LRP1B: variants seen among roughly 807,000 people sequenced by gnomAD.
LRP1B encodes LDL receptor related protein 1B, also known as low-density lipoprotein receptor-related protein 1B.
A neutral mutation model predicts 556.6 loss-of-function variants in LRP1B; 217 were observed. The observed-to-expected ratio is 0.39, with a 90% CI of 0.35 to 0.44. The LOEUF (loss-of-function observed/expected upper bound fraction) is 0.44. LRP1B is among the 20% of genes least tolerant of loss of function. The pLI is 1.00. For missense variants in LRP1B, 5,053 were observed against 5,620.8 expected, an observed-to-expected ratio of 0.90 and a Z score of 3.23; for synonymous variants, 2,047 against 1,865.8, an observed-to-expected ratio of 1.10 and a Z score of -2.50.
intron 6 of LRP1B, among the ~76,000 whole-genome samples, chr2:141,196,662 C>T (rs960652738): frequency 2.0e-5 from 3 of 151,950 alleles, no homozygotes; most frequent in Non-Finnish European, 4.4e-5. Flanking sequence ...TTGCATAATT[C>T]TACAAAAGAA....
intron 41 of LRP1B, among the ~76,000 whole-genome samples, chr2:140,653,017 G>A (rs916728831): frequency 2.6e-5 from 4 of 151,950 alleles, no homozygotes; most frequent in Non-Finnish European, 4.4e-5. Flanking sequence ...ATACGTTTGA[G>A]GAATATCTCC....
chr2:140,386,520 TA>T (rs1683766908), intron 66 of LRP1B, among the ~76,000 whole-genome samples: 3 of 152,226 alleles, frequency 2.0e-5, no homozygotes, highest in Admixed American at 2.0e-4. Flanking sequence ...TGCCCACTCA[TA>T]AACTCATAGG....
chr2:140,952,914 C>T (rs911382441), intron 18 of LRP1B, among the ~76,000 whole-genome samples: 1 of 152,138 alleles, frequency 6.6e-6, no homozygotes, highest in African/African-American at 2.4e-5. Flanking sequence ...TGCTCAATAT[C>T]AGACCTTTAA....
intron 3 of LRP1B, among the ~76,000 whole-genome samples, chr2:141,451,405 A>G (rs1183847082): frequency 6.6e-6 from 1 of 152,232 alleles, no homozygotes; most frequent in Non-Finnish European, 1.5e-5. Context: ...ACAAAATAAT[A>G]CACTATAATA....
At chr2:141,037,167 C>T (rs939397268) in intron 11 of LRP1B, among the ~76,000 whole-genome samples, 1 of 151,954 alleles carries the variant, frequency 6.6e-6, no homozygotes, top group African/African-American at 2.4e-5. Flanking sequence ...GATGAAAAGA[C>T]ATATTCCAGG....
intron 66 of LRP1B, among the ~76,000 whole-genome samples, chr2:140,422,873 T>C (rs1182055815): frequency 6.6e-6 from 1 of 152,190 alleles, no homozygotes; most frequent in Non-Finnish European, 1.5e-5. Context: ...GATGGAAATG[T>C]GTGGATTTGA....
intron 17 of LRP1B, among the ~76,000 whole-genome samples, chr2:140,988,229 G>A (rs539554708): frequency 6.6e-6 from 1 of 152,182 alleles, no homozygotes; most frequent in South Asian, 2.1e-4. Flanking sequence ...TCTATAAGAT[G>A]GATAGCTTGG....
chr2:141,414,215 C>A (rs369503443), intron 3 of LRP1B, among the ~76,000 whole-genome samples: 3 of 122,198 alleles, frequency 2.5e-5, no homozygotes, highest in Admixed American at 2.1e-4. Flanking sequence ...CCAGCCTGGG[C>A]GACAAGAGTG....
intron 60 of LRP1B, among the ~76,000 whole-genome samples, chr2:140,467,399 T>A (rs1687588848): frequency 1.3e-5 from 2 of 150,456 alleles, no homozygotes; most frequent in South Asian, 4.2e-4. Context: ...AGGTCAGGAG[T>A]TCAAAACCAG....
chr2:140,546,673 A>G (rs1298016016), intron 43 of LRP1B, among the ~76,000 whole-genome samples: 2 of 152,098 alleles, frequency 1.3e-5, no homozygotes, highest in Non-Finnish European at 2.9e-5. Context: ...CATGGGGATT[A>G]TGGGAACTAC....
At chr2:140,771,598 C>G (rs1689314921) in intron 33 of LRP1B, among the ~76,000 whole-genome samples, 1 of 152,116 alleles carries the variant, frequency 6.6e-6, no homozygotes, top group South Asian at 2.1e-4. Context: ...AATTCCTCTT[C>G]TTTCTGTACA....
intron 1 of LRP1B, among the ~76,000 whole-genome samples, chr2:142,075,241 C>A (rs556158051): frequency 1.2e-4 from 18 of 152,136 alleles, no homozygotes; most frequent in African/African-American, 4.3e-4. Flanking sequence ...ATAGGCAAAT[C>A]TCATAGGATA....
At chr2:141,663,419 A>T (rs540446628) in intron 2 of LRP1B, among the ~76,000 whole-genome samples, 236 of 152,022 alleles carry the variant, frequency 1.6e-3, no homozygotes, top group African/African-American at 5.5e-3. Context: ...GTAAAAAAAA[A>T]AATTAACAAA....
chr2:140,859,716 C>T (rs911795448), intron 27 of LRP1B, among the ~76,000 whole-genome samples: 5 of 151,974 alleles, frequency 3.3e-5, no homozygotes, highest in Middle Eastern at 3.2e-3. Flanking sequence ...ATTGCCTGGC[C>T]GTGTGCGGTG....
chr2:141,823,343 C>CA (rs1296325338), intron 1 of LRP1B, among the ~76,000 whole-genome samples: 1 of 152,088 alleles, frequency 6.6e-6, no homozygotes, highest in Non-Finnish European at 1.5e-5. Flanking sequence ...GATTCTATGC[C>CA]AGAACATGAA....
At chr2:140,490,949 A>G (rs1459086306) in intron 57 of LRP1B, among the ~76,000 whole-genome samples, 1 of 152,156 alleles carries the variant, frequency 6.6e-6, no homozygotes, top group Non-Finnish European at 1.5e-5. Context: ...CTTAGGTACT[A>G]ATGACTGGCA....
chr2:140,271,536 T>C (rs769682897), intron 85 of LRP1B, among the ~76,000 whole-genome samples: 25 of 151,964 alleles, frequency 1.6e-4, no homozygotes, highest in Non-Finnish European at 3.4e-4. Context: ...GTGGGTTGTG[T>C]AGCTACTGGA....
intron 6 of LRP1B, among the ~76,000 whole-genome samples, chr2:141,207,241 A>G (rs1432847512): frequency 6.6e-6 from 1 of 152,222 alleles, no homozygotes; most frequent in Non-Finnish European, 1.5e-5. Context: ...CACAACCTAG[A>G]CTGACATATC....
chr2:140,896,789 G>A (rs1221945959), intron 23 of LRP1B, among the ~76,000 whole-genome samples: 3 of 147,016 alleles, frequency 2.0e-5, no homozygotes, highest in African/African-American at 7.5e-5. Context: ...CCAAAAGCCT[G>A]CTATCATCAT....
Sources: gnomAD v4.1 joint callset for allele counts (sites outside exome capture counted in the v4.1 genomes callset) on GRCh38, gnomAD v4.1.1 for gene constraint, MANE v1.5 for transcripts, NCBI Gene and HGNC (gene_info 2026-07-23, HGNC 2026-07-21) for gene names.